Variants in ADGRD1 observed in about 807,000 individuals in gnomAD.
The protein encoded by ADGRD1 is adhesion G protein-coupled receptor D1, also known as G-protein coupled receptor 133.
Under a neutral mutation model 113.4 loss-of-function variants are expected in ADGRD1, and 77 were observed. The observed-to-expected ratio is 0.68, with a 90% CI of 0.57 to 0.82. ADGRD1 has a LOEUF of 0.82. ADGRD1 is among the 40% of genes least tolerant of loss of function. ADGRD1 has a pLI of 0.00. For synonymous variants in ADGRD1, 474 were observed against 475.0 expected, an observed-to-expected ratio of 1.00 and a Z score of 0.03; for missense variants, 1,036 against 1,139.1, an observed-to-expected ratio of 0.91 and a Z score of 1.30.
intron 8 of ADGRD1, among the ~76,000 whole-genome samples, chr12:130,997,565 G>A (rs974466865): frequency 1.3e-5 from 2 of 152,138 alleles, no homozygotes; most frequent in East Asian, 1.9e-4. Flanking sequence ...CATCCCAGAC[G>A]GGGCGGCGGG....
At position 131,132,106 on chromosome 12, in the gene ADGRD1, C is replaced by T. The variant is rs145088813; in HGVS notation, c.2267+290C>T. On this transcript the variant is annotated intron_variant, in intron 21 of 24. Transcript: ENST00000261654. The stretch of plus-strand genomic sequence containing the variant: ...CCCAGGGTGATGAGCAGCTGGGGGG[C>T]GGCAACGGGGAAGATTCTAGAGCCA... 7.2e-4 allele frequency among the ~76,000 whole-genome samples: 109 copies of T among 152,262 alleles called. 2 individuals are homozygous for T. Among genetic ancestry groups the T allele is most frequent in the African/African-American group, 2.4e-3 (101 of 41,554 alleles).
intron 21 of ADGRD1, among the ~76,000 whole-genome samples, chr12:131,132,150 C>T (rs1043508026): frequency 3.9e-5 from 6 of 152,304 alleles, no homozygotes; most frequent in East Asian, 3.9e-4. Context: ...CTGCCAGTCC[C>T]GCATCTGCCC....
intron 9 of ADGRD1, 92 bp downstream of exon 9, chr12:131,000,534 G>A (rs1276037837): frequency 1.9e-5 from 18 of 940,580 alleles, no homozygotes; most frequent in Non-Finnish European, 3.1e-5. Flanking sequence ...TTGAGGTCAG[G>A]AGTCAAGACC....
intron 8 of ADGRD1, among the ~76,000 whole-genome samples, chr12:130,997,060 C>T (rs1875565026): frequency 7.7e-6 from 1 of 130,166 alleles, no homozygotes; most frequent in Non-Finnish European, 1.7e-5. Flanking sequence ...GGCAGAGGGG[C>T]TCCTCACTTC....
In ADGRD1 at chr12:131,042,650, C is replaced by G. The variant is rs77714630; in HGVS notation, c.1473+28310C>G. 9.8e-5 allele frequency among the ~76,000 whole-genome samples: 15 copies of G among 152,316 alleles called. No homozygotes were observed. The East Asian group carries it at 2.9e-3, about 29-fold the overall frequency. ...TGCTGGCTTCTCCCAGCTCCGTGTT[C>G]GGTCCCGGTGGGGTCACAGGCGCTG... On this transcript the variant is annotated intron_variant, in intron 13 of 24. Transcript: ENST00000261654.
chr12:131,074,603 C>T (rs926815597), intron 13 of ADGRD1, among the ~76,000 whole-genome samples: 5 of 152,210 alleles, frequency 3.3e-5, no homozygotes, highest in African/African-American at 1.2e-4. Context: ...GGCACCACCA[C>T]ACTCCCATAT....
intron 15 of ADGRD1, among the ~76,000 whole-genome samples, chr12:131,102,372 G>A (rs1315340138): frequency 6.6e-6 from 1 of 152,240 alleles, no homozygotes; most frequent in Non-Finnish European, 1.5e-5. Context: ...TGAGGAACTT[G>A]TTTTGCCAAA....
At chr12:131,121,590 G>A (rs1454471616) in intron 20 of ADGRD1, among the ~76,000 whole-genome samples, 1 of 152,196 alleles carries the variant, frequency 6.6e-6, no homozygotes, top group Non-Finnish European at 1.5e-5. Flanking sequence ...GTGTTGGCCA[G>A]GCTGGTCTCG....
At chr12:130,992,181 G>C (rs1197274963) in intron 7 of ADGRD1, 56 bp from the exon 8 acceptor site, 1 of 1,363,420 alleles carries the variant, frequency 7.3e-7, no homozygotes, top group African/African-American at 1.5e-5. Flanking sequence ...TTAAACTTCT[G>C]TATAATATTT....
chr12:130,955,222 C>T (rs1869413320), intron 2 of ADGRD1, among the ~76,000 whole-genome samples: 1 of 151,310 alleles, frequency 6.6e-6, no homozygotes, highest in African/African-American at 2.4e-5. Context: ...GCCTTGGCCT[C>T]CCAGAGTGCT....
At chr12:131,054,339 T>C (rs1883664061) in intron 13 of ADGRD1, among the ~76,000 whole-genome samples, 1 of 152,220 alleles carries the variant, frequency 6.6e-6, no homozygotes, top group African/African-American at 2.4e-5. Flanking sequence ...TCTTTCGCCA[T>C]AGATTAATCT....
chr12:131,116,551 G>A (rs1950468450), intron 18 of ADGRD1, among the ~76,000 whole-genome samples: 1 of 142,160 alleles, frequency 7.0e-6, no homozygotes, highest in Non-Finnish European at 1.5e-5. Context: ...GCGGTCGGGT[G>A]GGTGCCAGGA....
rs1886312523 is a variant in ADGRD1 at position 131,084,528 on chromosome 12, C to G, written c.1548-12C>G. On this transcript the variant is annotated splice_polypyrimidine_tract_variant and intron_variant, in intron 14 of 24. Transcript: ENST00000261654. The surrounding 1 kb of genome is among the most constrained non-coding windows in gnomAD (Gnocchi z 4.5). ...GTGCTACCTCCTCTGATCCTTTCTC[C>G]TGTGTCCTCAGCTCCGGAGAAGGGG... The G allele has an allele frequency of 5.0e-6, 8 of 1,613,850 alleles. No individual in the cohort carries two copies. The highest frequency in any genetic ancestry group is 1.3e-5 in the African/African-American group (1 of 74,804).
At position 130,955,613 on chromosome 12, in the gene ADGRD1, T is replaced by C. The variant is rs1350466690; in HGVS notation, c.103+953T>C. ...CTGGGCTGTTGCTCCCTGCTGGAAGTTGCAGGAGGTGGGGAGGAGACCCTG... is the reference window on the plus strand; with the variant it reads ...CTGGGCTGTTGCTCCCTGCTGGAAGCTGCAGGAGGTGGGGAGGAGACCCTG... On this transcript the variant is annotated intron_variant, in intron 2 of 24. Coordinates refer to ENST00000261654, the MANE Select transcript of ADGRD1 (RefSeq NM_198827.5). Among the ~76,000 whole-genome samples the C allele has an allele frequency of 2.0e-5, 3 of 152,078 alleles. No homozygotes were observed. In the South Asian group the frequency reaches 6.2e-4, roughly 32 times the overall value.
rs1349857685 is a variant in ADGRD1 at position 130,970,038 on chromosome 12, G to A, written c.188-1420G>A. ...TTATAAACATTAAAATCAGCATTTC[G>A]TCTGTAGCTGGACTTTAAAAAAATC... On this transcript the variant is annotated intron_variant, in intron 3 of 24. Coordinates refer to ENST00000261654, the MANE Select transcript of ADGRD1 (RefSeq NM_198827.5). 10 of 152,072 alleles carry A rather than the reference G, an allele frequency of 6.6e-5. No individual in the cohort carries two copies. The East Asian group carries it at 7.7e-4, about 12-fold the overall frequency. 9.4% of individuals were successfully genotyped at this position (152,072 alleles called of 1,614,324 possible). A position where few individuals can be genotyped will look rare whatever the true frequency, so the allele number is the denominator to read the frequency against.
chr12:131,072,947 G>A (rs554162390), intron 13 of ADGRD1, among the ~76,000 whole-genome samples: 2 of 152,340 alleles, frequency 1.3e-5, no homozygotes, highest in Admixed American at 6.5e-5. Context: ...TAACCAGACA[G>A]GCCCACATGC....
intron 13 of ADGRD1, among the ~76,000 whole-genome samples, chr12:131,043,399 A>G (rs1882341821): frequency 6.6e-6 from 1 of 152,146 alleles, no homozygotes; most frequent in African/African-American, 2.4e-5. Context: ...CAGGGGTGAA[A>G]ACCATCCCTT....
intron 18 of ADGRD1, 70 bp from the exon 19 acceptor site, chr12:131,118,315 G>A: frequency 1.9e-6 from 2 of 1,073,268 alleles, no homozygotes; most frequent in South Asian, 1.4e-5. Context: ...AGGAAGGGAG[G>A]GATGGGGGAG....
intron 21 of ADGRD1, among the ~76,000 whole-genome samples, chr12:131,133,593 G>A (rs1402521005): frequency 2.0e-5 from 3 of 152,160 alleles, no homozygotes; most frequent in African/African-American, 4.8e-5. Context: ...CGTCCCTTCC[G>A]GGGAGGTGCA....
Sources: allele counts gnomAD v4.1 joint callset (sites outside exome capture counted in the v4.1 genomes callset), GRCh38; gene constraint gnomAD v4.1.1; non-coding constraint Gnocchi (gnomAD v3.1); transcripts MANE v1.5; gene names NCBI Gene and HGNC (gene_info 2026-07-23, HGNC 2026-07-21).